Variants in EVI5L observed in about 807,000 individuals in gnomAD.
EVI5L encodes the protein EVI5-like protein.
A neutral mutation model predicts 106.1 loss-of-function variants in EVI5L; 30 were observed. The ratio of observed to expected loss-of-function variants is 0.28; its 90% CI spans 0.21 to 0.38. The LOEUF is 0.38. Among genes scored for constraint, EVI5L ranks in the 10% least tolerant of loss-of-function variants. The pLI is 1.00. For synonymous variants in EVI5L, 489 were observed against 483.3 expected (o/e 1.01, Z -0.15); for missense variants, 809 against 1,098.0 (o/e 0.74, Z 3.72).
intron 1 of EVI5L, among the ~76,000 whole-genome samples, chr19:7,833,172 G>A (rs572290957): frequency 7.7e-4 from 117 of 152,292 alleles, no homozygotes; most frequent in African/African-American, 2.5e-3. Flanking sequence ...GGGGGCAGAC[G>A]GATGAGGAGG....
intron 17 of EVI5L, 110 bp downstream of exon 17, chr19:7,862,644 C>T: frequency 9.6e-7 from 1 of 1,038,904 alleles, no homozygotes; most frequent in East Asian, 3.3e-5. Flanking sequence ...CCCGATCTGC[C>T]CCTGCCCGCG....
Position 7,851,517 on chromosome 19 carries a change from G to T in EVI5L, c.837G>T (p.Leu279=), listed in dbSNP as rs774461220. The T allele has an allele frequency of 6.2e-7, 1 of 1,613,220 alleles. No homozygotes were observed. The highest frequency in any genetic ancestry group is 2.2e-5 in the East Asian group (1 of 44,846). ...SMYASSWFLT[L]FLTTFPLPVA... ...ATGCCTCGTCCTGGTTCCTCACACTGTTCCTGACCACCTTCCCACTCCCCG... is the reference window on the plus strand; with the variant it reads ...ATGCCTCGTCCTGGTTCCTCACACTTTTCCTGACCACCTTCCCACTCCCCG... Residue 279 remains leucine, a synonymous_variant, in exon 7 of 20, where the codon CTG becomes CTT. Coordinates refer to ENST00000538904, the MANE Select transcript of EVI5L (RefSeq NM_001159944.3).
At position 7,855,050 on chromosome 19, in the gene EVI5L, C is replaced by G. The variant is rs542971633; in HGVS notation, c.1147-965C>G. 1.9e-4 allele frequency among the ~76,000 whole-genome samples: 29 copies of G among 151,934 alleles called. 1 individual carries two copies. The highest frequency in any genetic ancestry group is 1.9e-3 in the South Asian group (9 of 4,824). On this transcript the variant is annotated intron_variant, in intron 10 of 19. Transcript: ENST00000538904. ...GCACAGGTACAGTCGAGATTCAACT[C>G]GTTTGCAAACCTCACCTGCTCCCCA...
intron 5 of EVI5L, among the ~76,000 whole-genome samples, chr19:7,849,794 C>T (rs1408091167): frequency 6.6e-6 from 1 of 152,142 alleles, no homozygotes; most frequent in Non-Finnish European, 1.5e-5. Context: ...TGCCGAGTGG[C>T]CCTTGGCAGG....
Position 7,858,337 on chromosome 19 carries a change from G to A in EVI5L, c.1374+6G>A. 2.6e-6 allele frequency: 4 copies of A among 1,543,728 alleles called. No homozygotes were observed. Among genetic ancestry groups the A allele is most frequent in the Non-Finnish European group, 3.5e-6 (4 of 1,146,176 alleles). Reference sequence around the variant, plus strand: ...GGCAGCTACAGGAGCAGCAGGTAGGGGCGGGTGTGCGGGGCTGCTGGGCGG... The same window carrying A: ...GGCAGCTACAGGAGCAGCAGGTAGGAGCGGGTGTGCGGGGCTGCTGGGCGG... On this transcript the variant is annotated splice_donor_region_variant and intron_variant, in intron 13 of 19. Transcript: ENST00000538904. This position sits in a 1 kb window ranked among gnomAD's most constrained non-coding sequence, Gnocchi z 5.7.
chr19:7,837,702 T>A (rs774843156), intron 1 of EVI5L, among the ~76,000 whole-genome samples: 1 of 152,162 alleles, frequency 6.6e-6, no homozygotes, highest in Non-Finnish European at 1.5e-5. Context: ...GGTTTGGTTT[T>A]TGTTTTTTGT....
At chr19:7,852,426 C>A (rs973821893) in intron 8 of EVI5L, among the ~76,000 whole-genome samples, 1 of 152,192 alleles carries the variant, frequency 6.6e-6, no homozygotes, top group East Asian at 1.9e-4. Context: ...TAACCCTTTG[C>A]ACAGGCCCGA....
chr19:7,862,158 C>A lies in EVI5L; in HGVS notation c.1681C>A (p.Pro561Thr). ...CCGCGGCGGCCGCTGGAAGGAGTCC[C>A]CACGGAAGCTGGTCGTGGGCGAGCT... is the stretch of plus-strand genomic sequence containing the variant. ...LARGGRWKES[P>T]RKLVVGELQD... Residue 561 changes from proline (P) to threonine (T), a missense_variant, in exon 16 of 20, where the codon CCA becomes ACA. By Grantham distance (38) the Pro-to-Thr change is conservative. This residue lies in a region of EVI5L where 452 missense variants were observed against 509.9 expected (regional missense o/e 0.89). Coordinates refer to ENST00000538904, the MANE Select transcript of EVI5L (RefSeq NM_001159944.3). 6.3e-7 allele frequency: 1 copy of A among 1,577,056 alleles called. No individual in the cohort carries two copies. The highest frequency in any genetic ancestry group is 2.3e-5 in the East Asian group (1 of 43,538).
Position 7,856,111 on chromosome 19 carries a change from G to A in EVI5L, c.1200+43G>A. On this transcript the variant is annotated intron_variant, in intron 11 of 19. Coordinates refer to ENST00000538904, the MANE Select transcript of EVI5L (RefSeq NM_001159944.3). The surrounding 1 kb of genome is among the most constrained non-coding windows in gnomAD (Gnocchi z 6.6). ...TGTGAGGACATGGTCGCCATGGGGTGTGACCCACCATGCGGGGCATGGCCG... is the reference window on the plus strand; with the variant it reads ...TGTGAGGACATGGTCGCCATGGGGTATGACCCACCATGCGGGGCATGGCCG... 7.6e-7 allele frequency: 1 copy of A among 1,315,188 alleles called. No homozygotes were observed. Among genetic ancestry groups the A allele is most frequent in the Non-Finnish European group, 9.8e-7 (1 of 1,022,138 alleles). The allele number at this position is 1,315,188 out of a possible 1,614,324, so 81.5% of individuals were successfully genotyped here.
chr19:7,849,342 G>T lies in EVI5L; in HGVS notation c.627+12G>T. ...TGCTCCTCATGCAGGTAGGTGGCTG[G>T]GGGGTGGCTGGGCTCCTGCCAGACA... On this transcript the variant is annotated intron_variant, in intron 5 of 19. Transcript: ENST00000538904. 5 of 1,613,612 alleles carry T rather than the reference G, an allele frequency of 3.1e-6. No individual in the cohort carries two copies. Among genetic ancestry groups the T allele is most frequent in the Non-Finnish European group, 3.4e-6 (4 of 1,179,956 alleles).
At chr19:7,854,443 A>G (rs1215131681) in intron 10 of EVI5L, among the ~76,000 whole-genome samples, 1 of 152,126 alleles carries the variant, frequency 6.6e-6, no homozygotes, top group African/African-American at 2.4e-5. Context: ...AGAGCCGCAC[A>G]GTGGCTAACA....
At chr19:7,841,393 G>C (rs1229413511) in intron 1 of EVI5L, among the ~76,000 whole-genome samples, 1 of 152,112 alleles carries the variant, frequency 6.6e-6, no homozygotes, top group Non-Finnish European at 1.5e-5. Context: ...GAAGCCAGGA[G>C]CCCAGTCCTC....
chr19:7,847,628 G>C, intron 2 of EVI5L, 104 bp from the exon 3 acceptor site: 1 of 1,168,234 alleles, frequency 8.6e-7, no homozygotes, highest in Non-Finnish European at 1.2e-6. Context: ...CCTAATCCCT[G>C]GTGTCCTCTA....
At position 7,850,716 on chromosome 19, in the gene EVI5L, C is replaced by T. The variant is rs1030546205; in HGVS notation, c.753+594C>T. Among the ~76,000 whole-genome samples, 2 of 152,120 alleles carry T rather than the reference C, an allele frequency of 1.3e-5. No homozygotes were observed. Among genetic ancestry groups the T allele is most frequent in the Non-Finnish European group, 2.9e-5 (2 of 68,018 alleles). Reference sequence around the variant, plus strand: ...CCACTCCCTGGGCCTGGATCATGGACGGTGCTGTAGCCTTAGGGGGCCTGG... The same window carrying T: ...CCACTCCCTGGGCCTGGATCATGGATGGTGCTGTAGCCTTAGGGGGCCTGG... On this transcript the variant is annotated intron_variant, in intron 6 of 19. Transcript: ENST00000538904. The surrounding 1 kb of genome is among the most constrained non-coding windows in gnomAD (Gnocchi z 5.4).
In EVI5L at chr19:7,858,316, G is replaced by A. The variant is rs1344784845; in HGVS notation, c.1359G>A (p.Gln453=). Reference sequence around the variant, plus strand: ...AGAAGGCACAGAGCACCATCCGGCAGCTACAGGAGCAGCAGGTAGGGGCGG... The same window carrying A: ...AGAAGGCACAGAGCACCATCCGGCAACTACAGGAGCAGCAGGTAGGGGCGG... ...DLQKAQSTIR[Q]LQEQQENPRL... The change falls in exon 13 of 20, where the codon CAG becomes CAA. Residue 453 remains glutamine (Q), a synonymous_variant. Coordinates refer to ENST00000538904, the MANE Select transcript of EVI5L (RefSeq NM_001159944.3). This position sits in a 1 kb window ranked among gnomAD's most constrained non-coding sequence, Gnocchi z 5.7. The A allele has an allele frequency of 1.3e-6, 2 of 1,547,344 alleles. No homozygotes were observed. Among genetic ancestry groups the A allele is most frequent in the African/African-American group, 1.4e-5 (1 of 73,014 alleles).
At chr19:7,840,083 C>A (rs1390656884) in intron 1 of EVI5L, among the ~76,000 whole-genome samples, 1 of 152,084 alleles carries the variant, frequency 6.6e-6, no homozygotes, top group Admixed American at 6.6e-5. Flanking sequence ...CACCGGGGAC[C>A]CAGATAGATG....
In EVI5L at chr19:7,863,360, G is replaced by C; in HGVS notation, c.2140-64G>C. On this transcript the variant is annotated intron_variant, in intron 19 of 19. Coordinates refer to ENST00000538904, the MANE Select transcript of EVI5L (RefSeq NM_001159944.3). This position sits in a 1 kb window ranked among gnomAD's most constrained non-coding sequence, Gnocchi z 7.7. ...AGCCGAGCGCAGGTGCCTTGCGGAG[G>C]ATGCGGCTGGGAGGGCGGGGCAGAA... 1 of 1,540,788 alleles carries C rather than the reference G, an allele frequency of 6.5e-7. No homozygotes were observed. Among genetic ancestry groups the C allele is most frequent in the South Asian group, 1.2e-5 (1 of 83,488 alleles).
chr19:7,831,206 C>T (rs1218560222), intron 1 of EVI5L, among the ~76,000 whole-genome samples: 1 of 149,438 alleles, frequency 6.7e-6, no homozygotes, highest in African/African-American at 2.5e-5. Context: ...CCAGAGCCAC[C>T]CATCTTTCTG....
At chr19:7,837,878 T>C (rs1331043613) in intron 1 of EVI5L, among the ~76,000 whole-genome samples, 1 of 149,558 alleles carries the variant, frequency 6.7e-6, no homozygotes, top group African/African-American at 2.5e-5. Context: ...TAATTTTGTA[T>C]TTTTAGTAGA....
Sources: gnomAD v4.1 joint callset for allele counts (sites outside exome capture counted in the v4.1 genomes callset) on GRCh38, gnomAD v4.1.1 for gene constraint, gnomAD v4.1.1 regional missense constraint, Gnocchi (gnomAD v3.1) non-coding constraint, MANE v1.5 for transcripts, NCBI Gene and HGNC (gene_info 2026-07-23, HGNC 2026-07-21) for gene names.